The following POFUT3 variants were observed in gnomAD, a reference collection of about 807,000 sequenced individuals.
POFUT3 encodes the protein GDP-fucose protein O-fucosyltransferase 3.
the POFUT3 span, among the ~76,000 whole-genome samples, chr8:33,467,424 T>G: frequency 6.6e-6 from 1 of 152,164 alleles, no homozygotes; most frequent in South Asian, 2.1e-4. Flanking sequence ...AGCTCTCATT[T>G]CATCATTGCC....
the POFUT3 span, among the ~76,000 whole-genome samples, chr8:33,326,751 T>C: frequency 6.6e-6 from 1 of 151,628 alleles, no homozygotes; most frequent in South Asian, 2.1e-4. Flanking sequence ...TCTGCTCATG[T>C]AGCCAAGACT....
the POFUT3 span, chr8:33,452,078 T>C: frequency 7.3e-6 from 1 of 137,216 alleles, no homozygotes; most frequent in Non-Finnish European, 1.6e-5. Flanking sequence ...TGCATGTATA[T>C]ATGTGTATGT....
chr8:33,404,591 A>C, the POFUT3 span, among the ~76,000 whole-genome samples: 2 of 152,196 alleles, frequency 1.3e-5, no homozygotes, highest in African/African-American at 4.8e-5. Context: ...TGACTAATTT[A>C]ATAAATAAAT....
the POFUT3 span, among the ~76,000 whole-genome samples, chr8:33,311,649 A>G: frequency 6.6e-6 from 1 of 152,146 alleles, no homozygotes; most frequent in Non-Finnish European, 1.5e-5. Flanking sequence ...GGAAAGGTGC[A>G]CTCTACTGTA....
At chr8:33,380,507 C>A in the POFUT3 span, among the ~76,000 whole-genome samples, 1 of 151,348 alleles carries the variant, frequency 6.6e-6, no homozygotes, top group African/African-American at 2.4e-5. Flanking sequence ...CTAATAATCT[C>A]CCACTTGGAA....
the POFUT3 span, among the ~76,000 whole-genome samples, chr8:33,421,053 C>T: frequency 1.3e-5 from 2 of 151,738 alleles, no homozygotes; most frequent in Non-Finnish European, 2.9e-5. Flanking sequence ...ACAAGAACTT[C>T]CTTTTTGTGA....
At chr8:33,408,624 C>T in the POFUT3 span, among the ~76,000 whole-genome samples, 5 of 152,100 alleles carry the variant, frequency 3.3e-5, no homozygotes, top group African/African-American at 1.2e-4. Flanking sequence ...CTGGAAATCT[C>T]TTGATTTTAG....
the POFUT3 span, among the ~76,000 whole-genome samples, chr8:33,397,815 C>T: frequency 3.3e-5 from 5 of 152,192 alleles, no homozygotes; most frequent in African/African-American, 1.2e-4. Context: ...TCTCAACCTC[C>T]TGAGCTCAAG....
At chr8:33,311,584 T>A in the POFUT3 span, among the ~76,000 whole-genome samples, 2 of 152,168 alleles carry the variant, frequency 1.3e-5, no homozygotes, top group Non-Finnish European at 2.9e-5. Flanking sequence ...AGCTTTGAAA[T>A]TAAATTATTT....
chr8:33,367,381 G>T, the POFUT3 span, among the ~76,000 whole-genome samples: 1 of 152,144 alleles, frequency 6.6e-6, no homozygotes, highest in Non-Finnish European at 1.5e-5. Context: ...CTTTAATTCG[G>T]CCCATCCCTT....
At chr8:33,453,436 C>T in the POFUT3 span, 5 of 1,613,996 alleles carry the variant, frequency 3.1e-6, no homozygotes, top group Non-Finnish European at 4.2e-6. Context: ...GTGCTTCCTC[C>T]ATTTTTGTAT....
chr8:33,311,691 G>A, the POFUT3 span, among the ~76,000 whole-genome samples: 1 of 152,154 alleles, frequency 6.6e-6, no homozygotes, highest in African/African-American at 2.4e-5. Flanking sequence ...GCAGGAGGAG[G>A]ATCCCTATTC....
the POFUT3 span, among the ~76,000 whole-genome samples, chr8:33,333,428 AAG>A: frequency 6.6e-6 from 1 of 152,202 alleles, no homozygotes; most frequent in Non-Finnish European, 1.5e-5. Context: ...TACCAGGGAA[AAG>A]AGATGTCTAG....
At chr8:33,422,053 A>C in the POFUT3 span, among the ~76,000 whole-genome samples, 4 of 151,688 alleles carry the variant, frequency 2.6e-5, no homozygotes, top group Middle Eastern at 3.4e-3. Context: ...AAAACAAAAA[A>C]AAACCCTGCT....
At chr8:33,444,259 C>T in the POFUT3 span, among the ~76,000 whole-genome samples, 16 of 151,934 alleles carry the variant, frequency 1.1e-4, no homozygotes, top group East Asian at 2.0e-4. Context: ...CAGATCTGAC[C>T]GGTGTAAAGG....
the POFUT3 span, chr8:33,451,614 GTGTATATA>G: frequency 6.6e-6 from 1 of 151,922 alleles, no homozygotes; most frequent in South Asian, 2.1e-4. Flanking sequence ...ATGTGTATAT[GTGTATATA>G]TGTGTGTATA....
At chr8:33,419,605 C>T in the POFUT3 span, among the ~76,000 whole-genome samples, 1 of 152,126 alleles carries the variant, frequency 6.6e-6, no homozygotes, top group African/African-American at 2.4e-5. Context: ...GGAACCCGTC[C>T]CTTAAATGCC....
At chr8:33,363,455 C>T in the POFUT3 span, among the ~76,000 whole-genome samples, 1 of 152,036 alleles carries the variant, frequency 6.6e-6, no homozygotes, top group Non-Finnish European at 1.5e-5. Context: ...CACAAAAAAC[C>T]CTTCAAAAAA....
the POFUT3 span, among the ~76,000 whole-genome samples, chr8:33,323,463 G>A: frequency 6.6e-6 from 1 of 152,138 alleles, no homozygotes; most frequent in Non-Finnish European, 1.5e-5. Flanking sequence ...TCAACACAGC[G>A]ATGTTCCTAT....
Sources: allele counts gnomAD v4.1 joint callset (sites outside exome capture counted in the v4.1 genomes callset), GRCh38; gene constraint gnomAD v4.1.1; transcripts MANE v1.5; gene names NCBI Gene and HGNC (gene_info 2026-07-23, HGNC 2026-07-21).